The following SNX24 variants were observed in gnomAD, a reference collection of about 807,000 sequenced individuals.
The protein encoded by SNX24 is sorting nexin-24.
SNX24 carries 22 observed loss-of-function variants against 28.7 expected under a neutral mutation model. The observed-to-expected ratio is 0.77, with a 90% CI of 0.55 to 1.10. The LOEUF is 1.10. SNX24 is among the 50% of genes least tolerant of loss of function. The probability of loss-of-function intolerance (pLI) is 0.00; values close to 1 mark genes in which losing one functional copy is unlikely to be tolerated. For synonymous variants in SNX24, 69 were observed against 71.5 expected, an observed-to-expected ratio of 0.96 and a Z score of 0.18; for missense variants, 221 against 201.1, an observed-to-expected ratio of 1.10 and a Z score of -0.60.
intron 1 of SNX24, among the ~76,000 whole-genome samples, chr5:122,907,124 G>T (rs1407879142): frequency 6.6e-6 from 1 of 152,060 alleles, no homozygotes; most frequent in Non-Finnish European, 1.5e-5. Context: ...CTTTAACTTG[G>T]CTTTACTTTG....
intron 1 of SNX24, among the ~76,000 whole-genome samples, chr5:122,924,846 T>A (rs374914672): frequency 6.6e-6 from 1 of 152,148 alleles, no homozygotes; most frequent in African/African-American, 2.4e-5. Flanking sequence ...GGGTGTTGGA[T>A]GTGTCTAAGT....
At chr5:122,898,893 A>G (rs2150077379) in intron 1 of SNX24, among the ~76,000 whole-genome samples, 1 of 152,312 alleles carries the variant, frequency 6.6e-6, no homozygotes, top group African/African-American at 2.4e-5. Flanking sequence ...TTGATGGGGC[A>G]TTTCACAAAT....
intron 1 of SNX24, among the ~76,000 whole-genome samples, chr5:122,908,033 C>T (rs1183155250): frequency 7.9e-5 from 12 of 152,076 alleles, no homozygotes; most frequent in Non-Finnish European, 1.5e-5. Flanking sequence ...GTTAGTAATA[C>T]ATTGAAACCA....
chr5:122,879,252 C>T (rs1422428629), intron 1 of SNX24, among the ~76,000 whole-genome samples: 2 of 152,244 alleles, frequency 1.3e-5, no homozygotes, highest in South Asian at 2.1e-4. Context: ...CAGCATGTGG[C>T]GAGTGCTATG....
At chr5:122,979,713 C>A (rs1398953237) in intron 3 of SNX24, among the ~76,000 whole-genome samples, 1 of 152,176 alleles carries the variant, frequency 6.6e-6, no homozygotes, top group Non-Finnish European at 1.5e-5. Context: ...TAAAACCTCT[C>A]CTCCTGCCTT....
At chr5:122,891,123 C>T in intron 1 of SNX24, 1 of 1,499,718 alleles carries the variant, frequency 6.7e-7, no homozygotes, top group Non-Finnish European at 8.9e-7. Flanking sequence ...ACTTACATAT[C>T]AGGTATTTTT....
At chr5:122,974,473 A>G (rs1452344381) in intron 3 of SNX24, among the ~76,000 whole-genome samples, 1 of 152,250 alleles carries the variant, frequency 6.6e-6, no homozygotes, top group East Asian at 1.9e-4. Context: ...TGCCAGCTGA[A>G]AGCAAATTAC....
chr5:122,849,532 T>G (rs1166450324), intron 1 of SNX24, among the ~76,000 whole-genome samples: 1 of 151,848 alleles, frequency 6.6e-6, no homozygotes, highest in Non-Finnish European at 1.5e-5. Context: ...ATTGTGAATT[T>G]TAGAAAGAGG....
downstream of SNX24, among the ~76,000 whole-genome samples, chr5:123,011,408 T>C (rs930519701): frequency 1.3e-5 from 2 of 152,122 alleles, no homozygotes; most frequent in African/African-American, 4.8e-5. Flanking sequence ...ACTGCCCCCA[T>C]TACAATCAGC....
chr5:122,902,232 TTTCTA>T (rs1757475356), intron 1 of SNX24, among the ~76,000 whole-genome samples: 1 of 152,240 alleles, frequency 6.6e-6, no homozygotes, highest in Non-Finnish European at 1.5e-5. Context: ...TTTCTGAATA[TTTCTA>T]TTGCCTCTTG....
intron 1 of SNX24, among the ~76,000 whole-genome samples, chr5:122,900,515 C>G (rs1202353837): frequency 1.3e-5 from 2 of 152,102 alleles, no homozygotes; most frequent in African/African-American, 4.8e-5. Flanking sequence ...ACCTGTCATC[C>G]CAGTGCTTTG....
chr5:122,934,996 G>A (rs1040930872), intron 1 of SNX24, among the ~76,000 whole-genome samples: 1 of 152,082 alleles, frequency 6.6e-6, no homozygotes. Context: ...GCCTTCAAGG[G>A]GGGGCACTTT....
At chr5:123,000,131 T>C in intron 4 of SNX24, 125 bp downstream of exon 4, 1 of 693,584 alleles carries the variant, frequency 1.4e-6, no homozygotes, top group South Asian at 1.7e-5. Context: ...TTTGGCTTGC[T>C]GCAGCACTCG....
intron 3 of SNX24, among the ~76,000 whole-genome samples, chr5:122,960,734 C>A (rs1760455622): frequency 6.6e-6 from 1 of 152,104 alleles, no homozygotes; most frequent in Non-Finnish European, 1.5e-5. Context: ...CAGCGCTTTC[C>A]AGGTTCACTT....
intron 1 of SNX24, among the ~76,000 whole-genome samples, chr5:122,896,902 C>T (rs897222628): frequency 6.6e-6 from 1 of 152,204 alleles, no homozygotes; most frequent in Non-Finnish European, 1.5e-5. Context: ...TAACTCTAAC[C>T]ACCAAACATA....
downstream of SNX24, among the ~76,000 whole-genome samples, chr5:123,012,688 A>G (rs1762611014): frequency 6.6e-6 from 1 of 152,196 alleles, no homozygotes; most frequent in Non-Finnish European, 1.5e-5. Flanking sequence ...AAAACAATAA[A>G]GGCTTTTGAG....
intron 3 of SNX24, among the ~76,000 whole-genome samples, chr5:122,979,816 G>A (rs1383566705): frequency 1.3e-5 from 2 of 152,168 alleles, no homozygotes; most frequent in African/African-American, 4.8e-5. Context: ...AAGTTGTGCT[G>A]ACAGCCCACC....
intron 3 of SNX24, among the ~76,000 whole-genome samples, chr5:122,985,715 A>G (rs372867746): frequency 3.3e-5 from 5 of 152,218 alleles, no homozygotes; most frequent in East Asian, 1.9e-4. Flanking sequence ...TTGCGGTGGC[A>G]TCTATTGCCT....
chr5:122,847,012 CTTG>C (rs943938716), intron 1 of SNX24, among the ~76,000 whole-genome samples: 3 of 148,848 alleles, frequency 2.0e-5, no homozygotes, highest in Admixed American at 6.7e-5. Flanking sequence ...TAAAACCTTG[CTTG>C]TTGTTGCTTC....
Sources: allele counts gnomAD v4.1 joint callset (sites outside exome capture counted in the v4.1 genomes callset), GRCh38; gene constraint gnomAD v4.1.1; transcripts MANE v1.5; gene names NCBI Gene and HGNC (gene_info 2026-07-23, HGNC 2026-07-21).